BCCIP: variants seen among roughly 807,000 people sequenced by gnomAD.
BCCIP encodes BRCA2 and CDKN1A-interacting protein.
BCCIP carries 23 observed loss-of-function variants against 32.8 expected under a neutral mutation model. That is an observed-to-expected ratio of 0.70 (90% CI 0.51 to 0.99). BCCIP has a LOEUF of 0.99. Ranked by LOEUF, BCCIP falls within the 50% of genes least tolerant of loss-of-function variation. The probability of loss-of-function intolerance (pLI) is 0.00; values close to 1 mark genes in which losing one functional copy is unlikely to be tolerated. For missense variants in BCCIP, 378 were observed against 379.8 expected, an observed-to-expected ratio of 1.00 and a Z score of 0.04; for synonymous variants, 144 against 137.6, an observed-to-expected ratio of 1.05 and a Z score of -0.33.
At chr10:125,825,336 T>C (rs1167997003) in intron 1 of BCCIP, among the ~76,000 whole-genome samples, 1 of 152,218 alleles carries the variant, frequency 6.6e-6, no homozygotes, top group Non-Finnish European at 1.5e-5. Context: ...GAGATGTCTG[T>C]CTAGACAAAG....
At chr10:125,840,842 C>T, downstream of BCCIP, 1 of 1,581,686 alleles carries the variant, frequency 6.3e-7, no homozygotes, top group Non-Finnish European at 8.6e-7. Flanking sequence ...TGAGCATTCA[C>T]TTACACTCAC....
intron 2 of BCCIP, among the ~76,000 whole-genome samples, chr10:125,827,055 ATTTCC>A (rs1854410817): frequency 6.6e-6 from 1 of 150,746 alleles, no homozygotes. Context: ...TCTTTTTAGA[ATTTCC>A]ATTTCTATCC....
At chr10:125,840,785 A>C, downstream of BCCIP, 2 of 1,498,676 alleles carry the variant, frequency 1.3e-6, no homozygotes, top group Non-Finnish European at 1.8e-6. Flanking sequence ...ACTAATAAGG[A>C]CTCAGACTTA....
chr10:125,834,075 C>G (rs1241647530), intron 6 of BCCIP, 129 bp downstream of exon 6: 4 of 1,022,210 alleles, frequency 3.9e-6, no homozygotes, highest in Non-Finnish European at 5.8e-6. Context: ...TTCTGTTTCC[C>G]CACAGGACCT....
downstream of BCCIP, among the ~76,000 whole-genome samples, chr10:125,839,880 C>T (rs369194818): frequency 5.5e-4 from 84 of 152,278 alleles, no homozygotes; most frequent in African/African-American, 1.9e-3. Flanking sequence ...TCATGCTGCT[C>T]GGAGCAACCA....
downstream of BCCIP, among the ~76,000 whole-genome samples, chr10:125,843,209 G>A (rs145480500): frequency 1.3e-5 from 2 of 152,162 alleles, no homozygotes; most frequent in East Asian, 3.9e-4. Flanking sequence ...GGTGGGCAGG[G>A]GCTGAAGACT....
chr10:125,842,078 G>C (rs1055379738), exon 7 of BCCIP: 1 of 1,076,144 alleles, frequency 9.3e-7, no homozygotes, highest in African/African-American at 1.6e-5. Context: ...CAAATACCAG[G>C]GAGTGAAGGA....
downstream of BCCIP, chr10:125,838,324 G>A: frequency 1.9e-6 from 3 of 1,613,824 alleles, no homozygotes; most frequent in Non-Finnish European, 2.5e-6. Flanking sequence ...AGGGGATGCA[G>A]CTGAGCAACC....
At chr10:125,831,737 G>A in intron 5 of BCCIP, 130 bp downstream of exon 5, 1 of 826,376 alleles carries the variant, frequency 1.2e-6, no homozygotes, top group South Asian at 2.1e-5. Context: ...TAGTGTGAGG[G>A]GAGTGGAAGA....
At chr10:125,836,006 T>A (rs570175839) in intron 6 of BCCIP, 98 bp from the exon 7 acceptor site, 186 of 1,103,674 alleles carry the variant, frequency 1.7e-4, no homozygotes, top group Middle Eastern at 4.2e-4. Flanking sequence ...CATTCTTATT[T>A]AAGCATATGC....
intron 3 of BCCIP, among the ~76,000 whole-genome samples, chr10:125,829,568 C>T (rs560923692): frequency 4.6e-5 from 7 of 152,334 alleles, no homozygotes; most frequent in Non-Finnish European, 7.3e-5. Context: ...GTGATAGGGT[C>T]ACCAACATAC....
downstream of BCCIP, among the ~76,000 whole-genome samples, chr10:125,838,645 G>A (rs1049298144): frequency 1.3e-5 from 2 of 152,118 alleles, no homozygotes; most frequent in African/African-American, 4.8e-5. Context: ...TTAATGTTTT[G>A]GCCATGAGAT....
rs751831213 is a variant in BCCIP, at chr10:125,830,622, A to G, written c.382A>G (p.Ile128Val). ...DMDEDEVFGF[I>V]SLLNLTERKG... is the part of the protein sequence containing the mutation. ...GGATGAAGATGAGGTTTTTGGTTTC[A>G]TAAGCCTTTTAAATTTAACTGAAAG... is the stretch of plus-strand genomic sequence containing the variant. The change falls in exon 4 of 7, where the codon ATA (isoleucine) becomes GTA (valine). Residue 128 changes from isoleucine to valine, a missense_variant. Transcript: ENST00000278100. 1.9e-6 allele frequency: 3 copies of G among 1,608,814 alleles called. No individual in the cohort carries two copies. The highest frequency in any genetic ancestry group is 1.1e-5 in the South Asian group (1 of 89,760).
At chr10:125,836,570 C>A, downstream of BCCIP, 2 of 1,385,418 alleles carry the variant, frequency 1.4e-6, no homozygotes, top group South Asian at 1.6e-5. Flanking sequence ...GTGTTATTTT[C>A]TTCAAGACCG....
At chr10:125,838,223 T>C (rs541485819), downstream of BCCIP, 2 of 1,605,870 alleles carry the variant, frequency 1.2e-6, no homozygotes, top group Admixed American at 3.5e-5. Flanking sequence ...GAGAGATTTC[T>C]GAGGTAATCC....
At chr10:125,835,164 A>C (rs1033927216) in intron 6 of BCCIP, among the ~76,000 whole-genome samples, 2 of 151,892 alleles carry the variant, frequency 1.3e-5, no homozygotes, top group African/African-American at 4.8e-5. Context: ...TGTATCTCTG[A>C]GGGGAACATA....
At chr10:125,849,831 C>T (rs978973763) in intron 7 of BCCIP, among the ~76,000 whole-genome samples, 10 of 152,150 alleles carry the variant, frequency 6.6e-5, no homozygotes, top group African/African-American at 2.2e-4. Context: ...TACAAACAAG[C>T]GCATATACTT....
At chr10:125,826,552 A>G in intron 1 of BCCIP, 39 bp from the exon 2 acceptor site, 1 of 1,611,014 alleles carries the variant, frequency 6.2e-7, no homozygotes, top group Non-Finnish European at 8.5e-7. Flanking sequence ...AGATGTTTGT[A>G]GTTTTTCTGG....
At chr10:125,853,351 A>G in exon 8 of BCCIP, 1 of 580,464 alleles carries the variant, frequency 1.7e-6, no homozygotes, top group South Asian at 5.0e-5. Flanking sequence ...TGAGATCTCA[A>G]ATGTTAGGAT....
Sources: gnomAD v4.1 joint callset for allele counts (sites outside exome capture counted in the v4.1 genomes callset) on GRCh38, gnomAD v4.1.1 for gene constraint, MANE v1.5 for transcripts, NCBI Gene and HGNC (gene_info 2026-07-23, HGNC 2026-07-21) for gene names.